Variants in KCNQ3 observed in about 807,000 individuals in gnomAD.
The protein encoded by KCNQ3 is potassium voltage-gated channel subfamily Q member 3, also known as potassium voltage-gated channel subfamily KQT member 3.
A neutral mutation model predicts 92.5 loss-of-function variants in KCNQ3; 30 were observed. That is an observed-to-expected ratio of 0.32 (90% CI 0.24 to 0.44). The LOEUF (loss-of-function observed/expected upper bound fraction) is 0.44. Among genes scored for constraint, KCNQ3 ranks in the 20% least tolerant of loss-of-function variants. The pLI is 1.00. For missense variants in KCNQ3, 913 were observed against 1,140.3 expected (o/e 0.80, Z 2.87); for synonymous variants, 450 against 468.8 (o/e 0.96, Z 0.52).
At chr8:132,214,920 A>G (rs536759699) in intron 1 of KCNQ3, among the ~76,000 whole-genome samples, 101 of 151,908 alleles carry the variant, frequency 6.6e-4, no homozygotes, top group Non-Finnish European at 1.2e-3. Flanking sequence ...TCCTCAATCA[A>G]CTCCTGCCAG....
chr8:132,387,100 A>C (rs1200453349), intron 1 of KCNQ3, among the ~76,000 whole-genome samples: 1 of 152,228 alleles, frequency 6.6e-6, no homozygotes, highest in Non-Finnish European at 1.5e-5. Context: ...ACATTCTCTC[A>C]AATACTCACA....
At chr8:132,453,263 T>C (rs1316043400) in intron 1 of KCNQ3, among the ~76,000 whole-genome samples, 2 of 151,886 alleles carry the variant, frequency 1.3e-5, no homozygotes, top group Non-Finnish European at 2.9e-5. Flanking sequence ...CGGGTACTAG[T>C]CTAAGGTCAA....
intron 1 of KCNQ3, among the ~76,000 whole-genome samples, chr8:132,397,243 G>A (rs11986253): frequency 6.6e-6 from 1 of 151,958 alleles, no homozygotes; most frequent in Non-Finnish European, 1.5e-5. Context: ...ACTGCTGCCT[G>A]ACATGACCTA....
At chr8:132,299,307 T>C (rs1396385335) in intron 1 of KCNQ3, among the ~76,000 whole-genome samples, 1 of 152,008 alleles carries the variant, frequency 6.6e-6, no homozygotes, top group Non-Finnish European at 1.5e-5. Flanking sequence ...ATGCACATTT[T>C]CCCCCCAAAA....
At chr8:132,450,689 C>A (rs1485593269) in intron 1 of KCNQ3, among the ~76,000 whole-genome samples, 1 of 152,200 alleles carries the variant, frequency 6.6e-6, no homozygotes, top group Non-Finnish European at 1.5e-5. Flanking sequence ...GCAGGCCCAC[C>A]AGAGTCAGGC....
intron 1 of KCNQ3, among the ~76,000 whole-genome samples, chr8:132,458,531 C>T (rs1273036764): frequency 1.3e-5 from 2 of 152,212 alleles, no homozygotes; most frequent in Non-Finnish European, 2.9e-5. Flanking sequence ...CACGGCTCAT[C>T]GCAACCTCCG....
intron 1 of KCNQ3, among the ~76,000 whole-genome samples, chr8:132,204,517 C>T (rs1471456786): frequency 6.6e-6 from 1 of 152,210 alleles, no homozygotes; most frequent in African/African-American, 2.4e-5. Flanking sequence ...TAACTCCTGG[C>T]CTTGGCTGGG....
chr8:132,252,409 C>T (rs1316653648), intron 1 of KCNQ3, among the ~76,000 whole-genome samples: 1 of 152,100 alleles, frequency 6.6e-6, no homozygotes, highest in African/African-American at 2.4e-5. Flanking sequence ...GTTGTTTGTT[C>T]CTCCCGGTGG....
intron 3 of KCNQ3, among the ~76,000 whole-genome samples, chr8:132,181,357 T>C (rs961844812): frequency 7.2e-5 from 11 of 152,116 alleles, no homozygotes; most frequent in Admixed American, 5.2e-4. Flanking sequence ...ATTAAATGGG[T>C]TTTACAAAAT....
chr8:132,394,148 G>A (rs1317328158), intron 1 of KCNQ3, among the ~76,000 whole-genome samples: 3 of 152,218 alleles, frequency 2.0e-5, no homozygotes, highest in East Asian at 1.9e-4. Flanking sequence ...GGCAAGAAGC[G>A]CAAGTACTCT....
At chr8:132,338,619 G>A (rs1371262393) in intron 1 of KCNQ3, among the ~76,000 whole-genome samples, 1 of 152,200 alleles carries the variant, frequency 6.6e-6, no homozygotes, top group Middle Eastern at 3.2e-3. Context: ...AGCCGAGGGT[G>A]TGAGAACACT....
At chr8:132,175,325 T>C in intron 5 of KCNQ3, 128 bp downstream of exon 5, 2 of 1,020,672 alleles carry the variant, frequency 2.0e-6, no homozygotes, top group Non-Finnish European at 1.5e-6. Flanking sequence ...GAGCTGAAAT[T>C]GGTCTAGAGC....
At chr8:132,189,946 T>C (rs1472530953) in intron 1 of KCNQ3, among the ~76,000 whole-genome samples, 1 of 143,214 alleles carries the variant, frequency 7.0e-6, no homozygotes, top group Non-Finnish European at 1.5e-5. Context: ...TCTAGCCATA[T>C]GCTGAAGGAT....
intron 1 of KCNQ3, among the ~76,000 whole-genome samples, chr8:132,398,539 C>G (rs112973006): frequency 2.0e-5 from 3 of 152,084 alleles, no homozygotes; most frequent in Non-Finnish European, 4.4e-5. Flanking sequence ...TTGGGGTGCC[C>G]GAAGAACTCA....
intron 1 of KCNQ3, among the ~76,000 whole-genome samples, chr8:132,219,316 G>A (rs1374843559): frequency 1.3e-5 from 2 of 152,066 alleles, no homozygotes; most frequent in African/African-American, 2.4e-5. Context: ...CCCTGCACAC[G>A]CTGCCTTATT....
At chr8:132,444,475 A>G (rs1478302846) in intron 1 of KCNQ3, among the ~76,000 whole-genome samples, 3 of 152,242 alleles carry the variant, frequency 2.0e-5, no homozygotes, top group African/African-American at 7.2e-5. Flanking sequence ...CATGGTGTGG[A>G]GGACAGGAGC....
At chr8:132,132,738 T>G (rs1824925667) in intron 13 of KCNQ3, among the ~76,000 whole-genome samples, 1 of 152,198 alleles carries the variant, frequency 6.6e-6, no homozygotes, top group Non-Finnish European at 1.5e-5. Flanking sequence ...GAATGAAGAA[T>G]CCCAAATCTT....
intron 1 of KCNQ3, among the ~76,000 whole-genome samples, chr8:132,405,935 AGG>A (rs1820465276): frequency 6.6e-6 from 1 of 152,170 alleles, no homozygotes; most frequent in Non-Finnish European, 1.5e-5. Flanking sequence ...AACAGCCTCC[AGG>A]TCTTAGGCAA....
At position 132,238,226 on chromosome 8, in the gene KCNQ3, T is replaced by C. The variant is rs756121227; in HGVS notation, c.387-52045A>G. Among the ~76,000 whole-genome samples, 73 of 151,960 alleles carry C rather than the reference T, an allele frequency of 4.8e-4. 1 individual carries two copies. Among genetic ancestry groups the C allele is most frequent in the Non-Finnish European group, 9.1e-4 (62 of 67,990 alleles). Reference sequence around the variant, plus strand: ...ATGCTTGCAGCTGCAGGAAGATGTATGGGAACAGACACAAAAACTCTCCCT... The same window carrying C: ...ATGCTTGCAGCTGCAGGAAGATGTACGGGAACAGACACAAAAACTCTCCCT... On this transcript the variant is annotated intron_variant, in intron 1 of 14. Coordinates refer to ENST00000388996, the MANE Select transcript of KCNQ3 (RefSeq NM_004519.4).
Sources: gnomAD v4.1 joint callset for allele counts (sites outside exome capture counted in the v4.1 genomes callset) on GRCh38, gnomAD v4.1.1 for gene constraint, MANE v1.5 for transcripts, NCBI Gene and HGNC (gene_info 2026-07-23, HGNC 2026-07-21) for gene names.